TTC28: variants seen among roughly 807,000 people sequenced by gnomAD.
TTC28 encodes tetratricopeptide repeat domain 28, also known as tetratricopeptide repeat protein 28.
A neutral mutation model predicts 198.0 loss-of-function variants in TTC28; 61 were observed. The ratio of observed to expected loss-of-function variants is 0.31; its 90% CI spans 0.25 to 0.38. The LOEUF is 0.38. TTC28 is among the 10% of genes least tolerant of loss of function. The pLI is 1.00. For synonymous variants in TTC28, 1,171 were observed against 1,297.8 expected, an observed-to-expected ratio of 0.90 and a Z score of 2.10; for missense variants, 2,678 against 3,164.0, an observed-to-expected ratio of 0.85 and a Z score of 3.69.
intron 2 of TTC28, among the ~76,000 whole-genome samples, chr22:28,404,802 G>A (rs2046974918): frequency 6.6e-6 from 1 of 152,170 alleles, no homozygotes; most frequent in Admixed American, 6.5e-5. Context: ...GGAGAAGTGA[G>A]GATGATAATG....
At chr22:28,462,072 T>A (rs924283360) in intron 2 of TTC28, among the ~76,000 whole-genome samples, 1 of 152,226 alleles carries the variant, frequency 6.6e-6, no homozygotes. Flanking sequence ...TCTCCTATTA[T>A]CTTTTTAAGG....
chr22:28,373,970 T>C (rs1411452832), intron 2 of TTC28, among the ~76,000 whole-genome samples: 1 of 152,188 alleles, frequency 6.6e-6, no homozygotes, highest in Non-Finnish European at 1.5e-5. Flanking sequence ...AAATTCCACA[T>C]AAGCTATTTT....
rs114002101 is a variant in TTC28, at chr22:28,560,151, T to C, written c.381+69401A>G. 6.0e-3 allele frequency among the ~76,000 whole-genome samples: 917 copies of C among 152,298 alleles called. 5 individuals are homozygous for C. The highest frequency in any genetic ancestry group is 0.02 in the African/African-American group (825 of 41,552). On this transcript the variant is annotated intron_variant, in intron 2 of 22. Transcript: ENST00000397906. Reference sequence around the variant, plus strand: ...AGTCATCCTTGATTCCTCGCTTTCTTTCACAACCCAAATTCAAATCCCTCC... The same window carrying C: ...AGTCATCCTTGATTCCTCGCTTTCTCTCACAACCCAAATTCAAATCCCTCC...
intron 2 of TTC28, among the ~76,000 whole-genome samples, chr22:28,556,722 T>C (rs1446321544): frequency 6.6e-6 from 1 of 152,206 alleles, no homozygotes; most frequent in Non-Finnish European, 1.5e-5. Flanking sequence ...GCTGAAGGTA[T>C]TTTATGAGGC....
At chr22:28,629,393 C>A in intron 2 of TTC28, 159 bp downstream of exon 2, 2 of 666,380 alleles carry the variant, frequency 3.0e-6, no homozygotes, top group Non-Finnish European at 4.8e-6. Flanking sequence ...GGAAGCTTTT[C>A]GCTAGTGTAC....
intron 12 of TTC28, among the ~76,000 whole-genome samples, chr22:28,065,349 T>A (rs952988412): frequency 6.6e-6 from 1 of 152,182 alleles, no homozygotes; most frequent in Admixed American, 6.5e-5. Context: ...AGTCCTCAAT[T>A]CTTCTTTCTC....
intron 12 of TTC28, among the ~76,000 whole-genome samples, chr22:28,040,360 C>G: frequency 6.6e-6 from 1 of 152,182 alleles, no homozygotes; most frequent in East Asian, 1.9e-4. Flanking sequence ...CAAACCGAAT[C>G]CAGCAGCACA....
At chr22:28,080,646 T>A (rs1051161371) in intron 12 of TTC28, among the ~76,000 whole-genome samples, 68 of 152,334 alleles carry the variant, frequency 4.5e-4, no homozygotes, top group Admixed American at 2.3e-3. Context: ...CTTTTCAAAA[T>A]GTTAATTATT....
intron 2 of TTC28, among the ~76,000 whole-genome samples, chr22:28,331,472 T>C (rs781558963): frequency 3.9e-5 from 6 of 152,082 alleles, no homozygotes; most frequent in Non-Finnish European, 8.8e-5. Flanking sequence ...CAATGATTAC[T>C]GAATAAATAA....
At chr22:28,390,306 A>C (rs1017271937) in intron 2 of TTC28, among the ~76,000 whole-genome samples, 1 of 152,088 alleles carries the variant, frequency 6.6e-6, no homozygotes, top group Non-Finnish European at 1.5e-5. Flanking sequence ...GTGCTGAAAA[A>C]AATGCATATT....
At chr22:28,419,187 A>C (rs1207089003) in intron 2 of TTC28, among the ~76,000 whole-genome samples, 1 of 152,196 alleles carries the variant, frequency 6.6e-6, no homozygotes, top group Non-Finnish European at 1.5e-5. Context: ...CTGAAACTGC[A>C]ATTTCTCACT....
At chr22:28,566,583 A>G (rs561541701) in intron 2 of TTC28, among the ~76,000 whole-genome samples, 143 of 152,352 alleles carry the variant, frequency 9.4e-4, no homozygotes, top group African/African-American at 3.0e-3. Flanking sequence ...CTACATGAAC[A>G]ATAAGTTCAT....
At chr22:28,009,546 C>A (rs1186982038) in intron 14 of TTC28, among the ~76,000 whole-genome samples, 1 of 152,198 alleles carries the variant, frequency 6.6e-6, no homozygotes, top group Admixed American at 6.5e-5. Context: ...GTGCTTGCAG[C>A]CAGAAGCAGG....
chr22:28,489,068 G>A (rs1162155872), intron 2 of TTC28, among the ~76,000 whole-genome samples: 2 of 152,134 alleles, frequency 1.3e-5, no homozygotes, highest in Non-Finnish European at 2.9e-5. Flanking sequence ...AGGAATGCTT[G>A]AAGCCAGGAG....
At chr22:28,088,544 T>G (rs1396617847) in intron 12 of TTC28, among the ~76,000 whole-genome samples, 3 of 152,108 alleles carry the variant, frequency 2.0e-5, no homozygotes, top group Non-Finnish European at 2.9e-5. Flanking sequence ...ACGTTAGACC[T>G]AAAACCATAA....
intron 3 of TTC28, among the ~76,000 whole-genome samples, chr22:28,302,010 CT>C (rs2045037881): frequency 6.6e-6 from 1 of 151,390 alleles, no homozygotes; most frequent in Non-Finnish European, 1.5e-5. Flanking sequence ...TATACTCCAG[CT>C]TAGGTGGCAG....
intron 2 of TTC28, among the ~76,000 whole-genome samples, chr22:28,618,256 C>T (rs1395708285): frequency 6.6e-6 from 1 of 152,022 alleles, no homozygotes; most frequent in Non-Finnish European, 1.5e-5. Flanking sequence ...GCCTGGGCAA[C>T]AAGAGCAAAA....
chr22:28,231,213 C>T (rs897371863), intron 5 of TTC28, among the ~76,000 whole-genome samples: 1 of 152,146 alleles, frequency 6.6e-6, no homozygotes, highest in Non-Finnish European at 1.5e-5. Flanking sequence ...ACTTGAAGAA[C>T]CAACAGTCTA....
chr22:28,329,585 T>C (rs1443788118), intron 2 of TTC28, among the ~76,000 whole-genome samples: 2 of 152,220 alleles, frequency 1.3e-5, no homozygotes, highest in African/African-American at 2.4e-5. Context: ...ACTTTACAGT[T>C]GTCCTAACAG....
Sources: gnomAD v4.1 joint callset for allele counts (sites outside exome capture counted in the v4.1 genomes callset) on GRCh38, gnomAD v4.1.1 for gene constraint, MANE v1.5 for transcripts, NCBI Gene and HGNC (gene_info 2026-07-23, HGNC 2026-07-21) for gene names.